Variants in CLSTN2 observed in about 807,000 individuals in gnomAD.
The protein encoded by CLSTN2 is calsyntenin 2.
CLSTN2 carries 48 observed loss-of-function variants against 101.2 expected under a neutral mutation model. That is an observed-to-expected ratio of 0.47 (90% CI 0.38 to 0.60). The LOEUF (loss-of-function observed/expected upper bound fraction) is 0.60. CLSTN2 is among the 20% of genes least tolerant of loss of function. The pLI is 0.00. For missense variants in CLSTN2, 1,160 were observed against 1,238.2 expected, an observed-to-expected ratio of 0.94 and a Z score of 0.95; for synonymous variants, 481 against 463.6, an observed-to-expected ratio of 1.04 and a Z score of -0.48.
chr3:140,188,583 G>A (rs1037976350), intron 2 of CLSTN2, among the ~76,000 whole-genome samples: 4 of 152,192 alleles, frequency 2.6e-5, no homozygotes, highest in African/African-American at 9.6e-5. Context: ...GAAGGAAGAG[G>A]CCTGGCTAGG....
chr3:140,243,725 G>A (rs962362001), intron 2 of CLSTN2, among the ~76,000 whole-genome samples: 11 of 152,218 alleles, frequency 7.2e-5, no homozygotes, highest in Non-Finnish European at 1.6e-4. Flanking sequence ...GGCTAGCAGT[G>A]TCAGCATCAC....
intron 1 of CLSTN2, among the ~76,000 whole-genome samples, chr3:139,999,761 A>G (rs528648759): frequency 6.6e-6 from 1 of 152,180 alleles, no homozygotes; most frequent in Non-Finnish European, 1.5e-5. Flanking sequence ...AAGTACAATA[A>G]AAGTAGGTGT....
chr3:140,139,870 G>A (rs112106078), intron 1 of CLSTN2, among the ~76,000 whole-genome samples: 2 of 152,236 alleles, frequency 1.3e-5, no homozygotes, highest in East Asian at 1.9e-4. Flanking sequence ...GTTATATCAC[G>A]ACTTGCCTGG....
intron 2 of CLSTN2, among the ~76,000 whole-genome samples, chr3:140,391,368 T>TGG (rs1291536474): frequency 1.1e-3 from 3 of 2,642 alleles, no homozygotes; most frequent in African/African-American, 2.3e-3. Context: ...ACTATTTGCG[T>TGG]GGGGGGGTGG....
Position 140,193,117 on chromosome 3 carries a change from G to A in CLSTN2, c.232+17044G>A, listed in dbSNP as rs141504179. ...GTCTCTTCTATATATGCTTAGAGCC[G>A]TATCAGTATTATAATTTTTGCTTAA... On this transcript the variant is annotated intron_variant, in intron 2 of 16. Transcript: ENST00000458420. Among the ~76,000 whole-genome samples, 496 of 151,736 alleles carry A rather than the reference G, an allele frequency of 3.3e-3. 4 individuals carry two copies. The highest frequency in any genetic ancestry group is 0.029 in the East Asian group (152 of 5,176).
intron 1 of CLSTN2, among the ~76,000 whole-genome samples, chr3:140,149,659 G>A (rs914478689): frequency 3.3e-5 from 5 of 152,172 alleles, no homozygotes; most frequent in South Asian, 2.1e-4. Context: ...GGGTTCCACC[G>A]TGTTGGCCAG....
intron 2 of CLSTN2, among the ~76,000 whole-genome samples, chr3:140,291,697 C>A (rs1159666930): frequency 6.6e-6 from 1 of 151,466 alleles, no homozygotes; most frequent in Non-Finnish European, 1.5e-5. Context: ...TGCTTGGCAT[C>A]TCCACTCTAC....
intron 1 of CLSTN2, among the ~76,000 whole-genome samples, chr3:140,020,135 C>A (rs2007277811): frequency 6.6e-6 from 1 of 152,124 alleles, no homozygotes; most frequent in Non-Finnish European, 1.5e-5. Context: ...ATCGGGAGTG[C>A]CTTGCCTGGC....
At chr3:140,511,616 C>A (rs1934816518) in intron 8 of CLSTN2, among the ~76,000 whole-genome samples, 2 of 134,690 alleles carry the variant, frequency 1.5e-5, no homozygotes, top group Admixed American at 8.1e-5. Flanking sequence ...GTGGTGCAAT[C>A]TCAGCTCACT....
chr3:140,441,854 T>C (rs2088770035), intron 5 of CLSTN2, among the ~76,000 whole-genome samples: 1 of 152,154 alleles, frequency 6.6e-6, no homozygotes, highest in Non-Finnish European at 1.5e-5. Context: ...TGCCTCACAC[T>C]ACACCAGGGC....
At chr3:140,190,047 AG>A in intron 2 of CLSTN2, among the ~76,000 whole-genome samples, 1 of 152,184 alleles carries the variant, frequency 6.6e-6, no homozygotes, top group Non-Finnish European at 1.5e-5. Context: ...CAGGGTAGAA[AG>A]GGGAAGACAG....
At chr3:140,227,661 A>T (rs1266271748) in intron 2 of CLSTN2, among the ~76,000 whole-genome samples, 1 of 152,084 alleles carries the variant, frequency 6.6e-6, no homozygotes, top group African/African-American at 2.4e-5. Flanking sequence ...CTCAACAAGG[A>T]CCCCAACCCT....
chr3:140,401,688 G>A (rs773406774), intron 2 of CLSTN2, among the ~76,000 whole-genome samples: 1 of 152,152 alleles, frequency 6.6e-6, no homozygotes, highest in Non-Finnish European at 1.5e-5. Flanking sequence ...GCAGTGGTTG[G>A]GCACTCCAGA....
chr3:139,987,999 G>A (rs574619159), intron 1 of CLSTN2, among the ~76,000 whole-genome samples: 10 of 152,206 alleles, frequency 6.6e-5, no homozygotes, highest in Non-Finnish European at 1.3e-4. Context: ...CAGAGAATGG[G>A]CCAGATCCCT....
intron 1 of CLSTN2, among the ~76,000 whole-genome samples, chr3:139,991,906 A>G (rs1936121552): frequency 6.6e-6 from 1 of 152,166 alleles, no homozygotes. Flanking sequence ...ACTTGAGGTC[A>G]TCCTGTTGAT....
rs1352642561 is a variant in CLSTN2 at position 140,576,878 on chromosome 3, T to C, written c.*10625T>C. On this transcript the variant is annotated 3_prime_UTR_variant, in exon 17 of 17. Coordinates refer to ENST00000458420, the MANE Select transcript of CLSTN2 (RefSeq NM_022131.3). ...ATAAATATACTATTGTGTATGAGTG[T>C]GAAACAATGCAGACTTTGGAGTATC... is the stretch of plus-strand genomic sequence containing the variant. The C allele has an allele frequency of 6.6e-6, 1 of 152,228 alleles. No individual in the cohort carries two copies. The highest frequency in any genetic ancestry group is 1.5e-5 in the Non-Finnish European group (1 of 68,044). 9.4% of individuals were successfully genotyped at this position (152,228 alleles called of 1,614,324 possible).
intron 1 of CLSTN2, among the ~76,000 whole-genome samples, chr3:140,108,324 A>T (rs1056602522): frequency 6.6e-6 from 1 of 152,164 alleles, no homozygotes; most frequent in African/African-American, 2.4e-5. Flanking sequence ...TATCACATGC[A>T]ATTACTTAGA....
intron 1 of CLSTN2, among the ~76,000 whole-genome samples, chr3:139,979,095 G>T (rs1341231302): frequency 6.6e-6 from 1 of 152,138 alleles, no homozygotes; most frequent in African/African-American, 2.4e-5. Flanking sequence ...GAGGTGGAAG[G>T]CCTAGAGAAC....
At chr3:140,521,754 C>G (rs1364484264) in intron 8 of CLSTN2, among the ~76,000 whole-genome samples, 1 of 152,208 alleles carries the variant, frequency 6.6e-6, no homozygotes, top group Non-Finnish European at 1.5e-5. Flanking sequence ...AAATGACGGT[C>G]ACATCTCTCC....
Sources: allele counts gnomAD v4.1 joint callset (sites outside exome capture counted in the v4.1 genomes callset), GRCh38; gene constraint gnomAD v4.1.1; transcripts MANE v1.5; gene names NCBI Gene and HGNC (gene_info 2026-07-23, HGNC 2026-07-21).